Variants in ATOH8 observed in about 807,000 individuals in gnomAD.
ATOH8 encodes the protein transcription factor ATOH8.
Under a neutral mutation model 21.2 loss-of-function variants are expected in ATOH8, and 9 were observed. The observed-to-expected ratio is 0.42, with a 90% CI of 0.26 to 0.74. ATOH8 has a LOEUF of 0.74. Ranked by LOEUF, ATOH8 falls within the 30% of genes least tolerant of loss-of-function variation. The probability of loss-of-function intolerance (pLI) is 0.24; values close to 1 mark genes in which losing one functional copy is unlikely to be tolerated. For missense variants in ATOH8, 524 were observed against 470.9 expected (o/e 1.11, Z -1.04); for synonymous variants, 253 against 224.0 (o/e 1.13, Z -1.16).
Position 85,754,011 on chromosome 2 carries a change from CG to C in ATOH8, c.-176del. 1.6e-6 allele frequency: 1 copy of C among 627,868 alleles called. No individual in the cohort carries two copies. Among genetic ancestry groups the C allele is most frequent in the South Asian group, 2.6e-5 (1 of 38,748 alleles). 38.9% of individuals were successfully genotyped at this position (627,868 alleles called of 1,614,324 possible). On this transcript the variant is annotated 5_prime_UTR_variant, in exon 1 of 3. Transcript: ENST00000306279. ...ACTTCAGATGACACTCTGAGCGCTC[CG>C]GGAACGGACAGCCCGGCGGCTTCCC...
intron 1 of ATOH8, 134 bp from the exon 2 acceptor site, chr2:85,763,857 T>TGTGTGTGG (rs1679931809): frequency 1.4e-6 from 1 of 696,498 alleles, no homozygotes; most frequent in African/African-American, 1.8e-5. Context: ...TGTGTGTGTG[T>TGTGTGTGG]AAACAGCAGG....
At chr2:85,779,951 G>A (rs1476766248) in intron 2 of ATOH8, among the ~76,000 whole-genome samples, 1 of 152,208 alleles carries the variant, frequency 6.6e-6, no homozygotes, top group Non-Finnish European at 1.5e-5. Context: ...AGGGACCGTG[G>A]CAATCACACC....
At chr2:85,778,483 A>G (rs1011655299) in intron 2 of ATOH8, among the ~76,000 whole-genome samples, 1 of 152,104 alleles carries the variant, frequency 6.6e-6, no homozygotes, top group African/African-American at 2.4e-5. Context: ...TGGAACGCAC[A>G]CTGTTTTTGC....
intron 2 of ATOH8, among the ~76,000 whole-genome samples, chr2:85,779,041 G>A (rs1281241379): frequency 1.3e-5 from 2 of 150,840 alleles, no homozygotes; most frequent in Non-Finnish European, 3.0e-5. Context: ...TCCAGCCCGG[G>A]TGCCTCCTCC....
intron 1 of ATOH8, among the ~76,000 whole-genome samples, chr2:85,761,992 A>C (rs1679884148): frequency 6.6e-6 from 1 of 152,074 alleles, no homozygotes; most frequent in East Asian, 1.9e-4. Flanking sequence ...TGGGTTTCCT[A>C]GTCTCAGCAC....
In ATOH8 at chr2:85,766,398, TG is replaced by T. The variant is rs1012578291; in HGVS notation, c.960+2219del. Among the ~76,000 whole-genome samples the T allele has an allele frequency of 6.6e-6, 1 of 151,936 alleles. No homozygotes were observed. The highest frequency in any genetic ancestry group is 2.4e-5 in the African/African-American group (1 of 41,362). On this transcript the variant is annotated intron_variant, in intron 2 of 2. Transcript: ENST00000306279. This position sits in a 1 kb window ranked among gnomAD's most constrained non-coding sequence, Gnocchi z 4.0. ...CCTCCTGCCCTCAGTCTTTCCCAGC[TG>T]GGTGAGGAGGTCACCCAGCTGGGAC...
In ATOH8 at chr2:85,754,897, C is replaced by G; in HGVS notation, c.708C>G (p.Asn236Lys). 6.2e-7 allele frequency: 1 copy of G among 1,610,414 alleles called. No homozygotes were observed. Among genetic ancestry groups the G allele is most frequent in the Non-Finnish European group, 8.5e-7 (1 of 1,179,758 alleles). ...ALQQTRRLLA[N>K]ARERTRVHTI... ...AGCAGACCCGGAGGCTCCTGGCGAA[C>G]GCCAGGGAGCGGACGCGGGTGCACA... Residue 236 changes from asparagine (N) to lysine (K), a missense_variant, in exon 1 of 3, where the codon AAC (asparagine) becomes AAG (lysine). Asn to Lys is a moderately conservative substitution (Grantham distance 94). Coordinates refer to ENST00000306279, the MANE Select transcript of ATOH8 (RefSeq NM_032827.7).
chr2:85,782,185 C>G (rs1680513659), intron 2 of ATOH8, among the ~76,000 whole-genome samples: 2 of 151,804 alleles, frequency 1.3e-5, no homozygotes, highest in Non-Finnish European at 1.5e-5. Flanking sequence ...TTAGGAAAGA[C>G]CAATTTAAAA....
chr2:85,784,796 GT>G (rs1680581518), intron 2 of ATOH8, among the ~76,000 whole-genome samples: 1 of 152,202 alleles, frequency 6.6e-6, no homozygotes, highest in Admixed American at 6.5e-5. Context: ...GGGAGAGTGA[GT>G]TACCCAAGGT....
intron 1 of ATOH8, among the ~76,000 whole-genome samples, chr2:85,756,814 A>G (rs1679715736): frequency 6.6e-6 from 1 of 152,140 alleles, no homozygotes; most frequent in Non-Finnish European, 1.5e-5. Context: ...TGCCATCTGT[A>G]TCAGCGTCAT....
chr2:85,762,434 T>C lies in ATOH8; in HGVS notation c.769-1557T>C, dbSNP rs138676232. Among the ~76,000 whole-genome samples, 195 of 152,350 alleles carry C rather than the reference T, an allele frequency of 1.3e-3. 1 individual carries two copies. Among genetic ancestry groups the C allele is most frequent in the Non-Finnish European group, 9.0e-4 (61 of 68,030 alleles). ...TCATTCATTTGTTCACTCATTGCCTTAATCAACAAACCCTTTTGAGGGCCT... is the reference window on the plus strand; with the variant it reads ...TCATTCATTTGTTCACTCATTGCCTCAATCAACAAACCCTTTTGAGGGCCT... On this transcript the variant is annotated intron_variant, in intron 1 of 2. Coordinates refer to ENST00000306279, the MANE Select transcript of ATOH8 (RefSeq NM_032827.7).
At chr2:85,786,850 AG>A (rs1361761477) in intron 2 of ATOH8, 34 bp from the exon 3 acceptor site, 2 of 1,613,714 alleles carry the variant, frequency 1.2e-6, no homozygotes, top group East Asian at 2.2e-5. Context: ...CAGGTGGAGC[AG>A]GGGCAGCTTT....
Position 85,790,322 on chromosome 2 carries a change from A to T in ATOH8, c.*3432A>T, listed in dbSNP as rs1573543140. Among the ~76,000 whole-genome samples the T allele has an allele frequency of 6.6e-6, 1 of 152,048 alleles. No individual in the cohort carries two copies. Among genetic ancestry groups the T allele is most frequent in the Non-Finnish European group, 1.5e-5 (1 of 67,980 alleles). On this transcript the variant is annotated 3_prime_UTR_variant, in exon 3 of 3. Coordinates refer to ENST00000306279, the MANE Select transcript of ATOH8 (RefSeq NM_032827.7). ...GCCCCACGTGTGCACACCCATCTTC[A>T]TGTGTGTGTGTGCCAGCCTCCTGCT...
rs1380571977 is a variant in ATOH8, at chr2:85,787,695, C to A, written c.*805C>A. On this transcript the variant is annotated 3_prime_UTR_variant, in exon 3 of 3. Transcript: ENST00000306279. ...TCTTTGCTTCCCCAGCCAGCCTCTC[C>A]TCACTGTGACCCACCCCCATGGGCC... 1 of 152,988 alleles carries A rather than the reference C, an allele frequency of 6.5e-6. No homozygotes were observed. The allele number at this position is 152,988 out of a possible 1,614,324, so 9.5% of individuals were successfully genotyped here.
chr2:85,764,699 C>T (rs1191611010), intron 2 of ATOH8, among the ~76,000 whole-genome samples: 5 of 152,162 alleles, frequency 3.3e-5, no homozygotes, highest in Admixed American at 6.5e-5. Context: ...ATGTGCTGAG[C>T]ATACTGGGCA....
At chr2:85,781,105 C>A in intron 2 of ATOH8, 2 of 986,418 alleles carry the variant, frequency 2.0e-6, no homozygotes, top group Non-Finnish European at 2.4e-6. Flanking sequence ...TTAAAGAAAA[C>A]ACCAGTGCAG....
In ATOH8 at chr2:85,766,341, C is replaced by A. The variant is rs1375060243; in HGVS notation, c.960+2159C>A. Among the ~76,000 whole-genome samples the A allele has an allele frequency of 3.3e-5, 5 of 152,126 alleles. No individual in the cohort carries two copies. The highest frequency in any genetic ancestry group is 5.9e-5 in the Non-Finnish European group (4 of 67,974). On this transcript the variant is annotated intron_variant, in intron 2 of 2. Transcript: ENST00000306279. The surrounding 1 kb of genome is among the most constrained non-coding windows in gnomAD (Gnocchi z 4.0). ...TGTTTCCTCTCCACCCTCCCTCCCC[C>A]ACACCCAGCCCGGGCCTGAGGGCAC...
intron 2 of ATOH8, among the ~76,000 whole-genome samples, chr2:85,765,393 A>G (rs1368395011): frequency 6.6e-6 from 1 of 152,136 alleles, no homozygotes; most frequent in Non-Finnish European, 1.5e-5. Flanking sequence ...ACACCTTCTC[A>G]GGGCTCCCCG....
At position 85,789,253 on chromosome 2, in the gene ATOH8, T is replaced by G. The variant is rs1680703558; in HGVS notation, c.*2363T>G. ...CATGTTTCCCTTTCATTCTGAAGCA[T>G]CATTGATGACCAGCTGCCTGTCAGA... On this transcript the variant is annotated 3_prime_UTR_variant, in exon 3 of 3. Coordinates refer to ENST00000306279, the MANE Select transcript of ATOH8 (RefSeq NM_032827.7). 6.6e-6 allele frequency among the ~76,000 whole-genome samples: 1 copy of G among 152,194 alleles called. No individual in the cohort carries two copies. Among genetic ancestry groups the G allele is most frequent in the African/African-American group, 2.4e-5 (1 of 41,444 alleles).
Sources: gnomAD v4.1 joint callset for allele counts (sites outside exome capture counted in the v4.1 genomes callset) on GRCh38, gnomAD v4.1.1 for gene constraint, Gnocchi (gnomAD v3.1) non-coding constraint, MANE v1.5 for transcripts, NCBI Gene and HGNC (gene_info 2026-07-23, HGNC 2026-07-21) for gene names.